TNFAIP8L3: variants seen among roughly 807,000 people sequenced by gnomAD.
The protein encoded by TNFAIP8L3 is TNF alpha induced protein 8 like 3.
A neutral mutation model predicts 11.8 loss-of-function variants in TNFAIP8L3; 7 were observed. The ratio of observed to expected loss-of-function variants is 0.59; its 90% CI spans 0.34 to 1.11. The LOEUF is 1.11. Among genes scored for constraint, TNFAIP8L3 ranks in the 50% most tolerant of loss-of-function variants. TNFAIP8L3 has a pLI of 0.03. For synonymous variants in TNFAIP8L3, 98 were observed against 103.8 expected, an observed-to-expected ratio of 0.94 and a Z score of 0.34; for missense variants, 219 against 258.6, an observed-to-expected ratio of 0.85 and a Z score of 1.05.
At position 51,058,106 on chromosome 15, in the gene TNFAIP8L3, A is replaced by G. The variant is rs754025567; in HGVS notation, c.390T>C (p.Asp130=). 2 of 1,614,052 alleles carry G rather than the reference A, an allele frequency of 1.2e-6. No individual in the cohort carries two copies. Among genetic ancestry groups the G allele is most frequent in the Non-Finnish European group, 1.7e-6 (2 of 1,180,004 alleles). Residue 130 remains aspartate (D), a synonymous_variant, in exon 2 of 2, where the codon GAT becomes GAC. Transcript: ENST00000637513. ...VSFYEVEYTF[D]RNVLSNLLHE... ...GCAGGAGATTGGAGAGCACGTTCCTATCGAAGGTGTATTCCACCTCATAGA... is the reference window on the plus strand; with the variant it reads ...GCAGGAGATTGGAGAGCACGTTCCTGTCGAAGGTGTATTCCACCTCATAGA...
chr15:51,061,399 T>C (rs867662546), intron 1 of TNFAIP8L3, among the ~76,000 whole-genome samples: 4 of 152,244 alleles, frequency 2.6e-5, no homozygotes, highest in Non-Finnish European at 4.4e-5. Flanking sequence ...AGGAAAGATA[T>C]AATTTCTAGA....
intron 1 of TNFAIP8L3, among the ~76,000 whole-genome samples, chr15:51,083,976 TAAAAGCAAATTACCAGCTG>T (rs1394073194): frequency 6.6e-6 from 1 of 152,250 alleles, no homozygotes; most frequent in Non-Finnish European, 1.5e-5. Flanking sequence ...CTATTGTTTA[TAAAAGCAAATTACCAGCTG>T]AAAGCTGCAT....
intron 1 of TNFAIP8L3, among the ~76,000 whole-genome samples, chr15:51,081,300 C>T (rs536731275): frequency 6.6e-5 from 10 of 152,314 alleles, no homozygotes; most frequent in Admixed American, 5.9e-4. Flanking sequence ...TATTAAGCTT[C>T]TGGAGTGTGG....
chr15:51,090,285 T>G (rs1034984845), intron 1 of TNFAIP8L3, among the ~76,000 whole-genome samples: 4 of 152,180 alleles, frequency 2.6e-5, no homozygotes, highest in African/African-American at 9.7e-5. Context: ...TGAAATGCCA[T>G]TTGCACCCTC....
At chr15:51,088,559 C>T (rs1169554159) in intron 1 of TNFAIP8L3, among the ~76,000 whole-genome samples, 1 of 152,198 alleles carries the variant, frequency 6.6e-6, no homozygotes, top group Admixed American at 6.5e-5. Context: ...CCACTCTGAA[C>T]ACAAAACAGC....
At chr15:51,075,150 A>T (rs898883493) in intron 1 of TNFAIP8L3, among the ~76,000 whole-genome samples, 5 of 152,210 alleles carry the variant, frequency 3.3e-5, no homozygotes, top group Admixed American at 3.3e-4. Flanking sequence ...TTCAGGACCC[A>T]CACCTGGAAG....
Position 51,094,157 on chromosome 15 carries a change from A to G in TNFAIP8L3, c.52+387T>C, listed in dbSNP as rs2065492838. Among the ~76,000 whole-genome samples, 1 of 152,194 alleles carries G rather than the reference A, an allele frequency of 6.6e-6. No individual in the cohort carries two copies. The highest frequency in any genetic ancestry group is 2.4e-5 in the African/African-American group (1 of 41,456). ...GACCCAGTCACCTGCGCCGCAGCGC[A>G]GTCCCGGCGCCCCAGGTTCGAGGAC... On this transcript the variant is annotated intron_variant, in intron 1 of 1. Coordinates refer to ENST00000637513, the MANE Select transcript of TNFAIP8L3 (RefSeq NM_001311175.2). This position sits in a 1 kb window ranked among gnomAD's most constrained non-coding sequence, Gnocchi z 4.4.
intron 1 of TNFAIP8L3, among the ~76,000 whole-genome samples, chr15:51,083,544 G>A (rs2065406670): frequency 6.6e-6 from 1 of 152,268 alleles, no homozygotes; most frequent in Non-Finnish European, 1.5e-5. Flanking sequence ...CAGCCAGCGA[G>A]CAGCAGCGAC....
chr15:51,085,746 C>T (rs1025332387), intron 1 of TNFAIP8L3, among the ~76,000 whole-genome samples: 3 of 151,874 alleles, frequency 2.0e-5, no homozygotes, highest in African/African-American at 4.8e-5. Context: ...CCCAGGTCAA[C>T]ATTTCAGAAA....
chr15:51,075,243 T>C (rs1225300167), intron 1 of TNFAIP8L3, among the ~76,000 whole-genome samples: 1 of 152,106 alleles, frequency 6.6e-6, no homozygotes, highest in Non-Finnish European at 1.5e-5. Context: ...CCCTTTGCCT[T>C]TCATACGGAG....
upstream of TNFAIP8L3, among the ~76,000 whole-genome samples, chr15:51,097,259 A>T (rs1308801333): frequency 1.3e-5 from 2 of 152,212 alleles, no homozygotes; most frequent in Non-Finnish European, 2.9e-5. Context: ...GAATAACAGC[A>T]AAAAGGAAAC....
At chr15:51,059,264 T>C (rs1435948355) in intron 1 of TNFAIP8L3, among the ~76,000 whole-genome samples, 1 of 152,186 alleles carries the variant, frequency 6.6e-6, no homozygotes, top group Admixed American at 6.5e-5. Flanking sequence ...TTTGCTGTTA[T>C]TTTCTACTTT....
chr15:51,088,926 T>G (rs1259699252), intron 1 of TNFAIP8L3, among the ~76,000 whole-genome samples: 1 of 152,174 alleles, frequency 6.6e-6, no homozygotes, highest in Non-Finnish European at 1.5e-5. Flanking sequence ...ATGACTTGCC[T>G]TTAATGACTG....
Position 51,058,128 on chromosome 15 carries a change from T to C in TNFAIP8L3, c.368A>G (p.Tyr123Cys), listed in dbSNP as rs200991263. The change falls in exon 2 of 2, where the codon TAT becomes TGT. Residue 123 changes from tyrosine (Y) to cysteine (C), a missense_variant. Physicochemically the swap from Tyr to Cys is radical, Grantham distance 194. Coordinates refer to ENST00000637513, the MANE Select transcript of TNFAIP8L3 (RefSeq NM_001311175.2). ...NQTAMTIVSF[Y>C]EVEYTFDRNV... The stretch of plus-strand genomic sequence containing the variant: ...CCTATCGAAGGTGTATTCCACCTCA[T>C]AGAAGCTGACAATGGTCATGGCGGT... The C allele has an allele frequency of 2.0e-5, 33 of 1,614,254 alleles. No individual in the cohort carries two copies. In the African/African-American group the frequency reaches 3.9e-4, roughly 19 times the overall value.
intron 1 of TNFAIP8L3, among the ~76,000 whole-genome samples, chr15:51,065,751 T>C (rs543800734): frequency 6.6e-6 from 1 of 152,320 alleles, no homozygotes; most frequent in South Asian, 2.1e-4. Context: ...TAAGTGTGGA[T>C]AGCTGTGTCA....
chr15:51,078,751 C>T (rs1018964646), intron 1 of TNFAIP8L3, among the ~76,000 whole-genome samples: 3 of 152,046 alleles, frequency 2.0e-5, no homozygotes, highest in African/African-American at 7.2e-5. Context: ...GGCCTGTGTC[C>T]AGACAAGAAC....
upstream of TNFAIP8L3, among the ~76,000 whole-genome samples, chr15:51,095,929 T>A (rs1181380224): frequency 6.6e-6 from 1 of 152,246 alleles, no homozygotes; most frequent in Non-Finnish European, 1.5e-5. Flanking sequence ...TTTCCCTTTG[T>A]GTCCTCATCT....
At chr15:51,085,467 C>G (rs984280218) in intron 1 of TNFAIP8L3, among the ~76,000 whole-genome samples, 1 of 152,122 alleles carries the variant, frequency 6.6e-6, no homozygotes. Context: ...TGGGCCTGTG[C>G]TGGTCTGACC....
intron 1 of TNFAIP8L3, among the ~76,000 whole-genome samples, chr15:51,100,129 A>T (rs1163383068): frequency 6.6e-6 from 1 of 152,238 alleles, no homozygotes; most frequent in Admixed American, 6.5e-5. Flanking sequence ...ATTTTATTTG[A>T]CTTGGGATGT....
Sources: allele counts gnomAD v4.1 joint callset (sites outside exome capture counted in the v4.1 genomes callset), GRCh38; gene constraint gnomAD v4.1.1; non-coding constraint Gnocchi (gnomAD v3.1); transcripts MANE v1.5; gene names NCBI Gene and HGNC (gene_info 2026-07-23, HGNC 2026-07-21).